The following FIG4 variants were observed in gnomAD, a reference collection of about 807,000 sequenced individuals.
The protein encoded by FIG4 is FIG4 phosphoinositide 5-phosphatase.
In FIG4, 112 loss-of-function variants were observed where a neutral mutation model predicts 118.6. The ratio of observed to expected loss-of-function variants is 0.94; its 90% confidence interval spans 0.81 to 1.11. The LOEUF is 1.11. Among genes scored for constraint, FIG4 ranks in the 50% least tolerant of loss-of-function variants. FIG4 has a pLI of 0.00. For synonymous variants in FIG4, 369 were observed against 381.2 expected (o/e 0.97, Z 0.37); for missense variants, 969 against 1,111.7 (o/e 0.87, Z 1.83).
At chr6:109,744,081 T>G (rs1776409093) in intron 10 of FIG4, among the ~76,000 whole-genome samples, 1 of 152,262 alleles carries the variant, frequency 6.6e-6, no homozygotes, top group East Asian at 1.9e-4. Context: ...AATTTCTGCC[T>G]TAGTTTCCAG....
intron 4 of FIG4, among the ~76,000 whole-genome samples, chr6:109,731,234 A>G (rs552314376): frequency 1.3e-5 from 2 of 152,330 alleles, no homozygotes; most frequent in African/African-American, 2.4e-5. Context: ...GTTATACACT[A>G]TGAGTTGGAG....
intron 22 of FIG4, among the ~76,000 whole-genome samples, chr6:109,806,939 C>T (rs1314766996): frequency 6.6e-6 from 1 of 152,096 alleles, no homozygotes; most frequent in Non-Finnish European, 1.5e-5. Flanking sequence ...ATGAACTCAT[C>T]CTTTTTATGG....
At position 109,823,459 on chromosome 6, in the gene FIG4, G is replaced by A. The variant is rs73525139; in HGVS notation, c.2547-1629G>A. ...AGTCATCTCAGGATGTGTCATTGTT[G>A]TGGATAAAAGCAAAGTACAGTAAGC... On this transcript the variant is annotated intron_variant, in intron 22 of 22. Transcript: ENST00000230124. Among the ~76,000 whole-genome samples, 1,258 of 152,250 alleles carry A rather than the reference G, an allele frequency of 8.3e-3. 23 individuals are homozygous for A. Among genetic ancestry groups the A allele is most frequent in the African/African-American group, 0.029 (1,220 of 41,530 alleles).
Position 109,705,366 on chromosome 6 carries a change from G to T in FIG4, c.67-9712G>T, listed in dbSNP as rs556780639. On this transcript the variant is annotated intron_variant, in intron 1 of 22. Transcript: ENST00000230124. ...AGGGCAGTGCAGGCAGTGATTCCGCGGTCTACAGTAGGCCAGCTGAAAAGC... is the reference window on the plus strand; with the variant it reads ...AGGGCAGTGCAGGCAGTGATTCCGCTGTCTACAGTAGGCCAGCTGAAAAGC... 5.9e-5 allele frequency among the ~76,000 whole-genome samples: 9 copies of T among 152,240 alleles called. No homozygotes were observed. In the South Asian group the frequency reaches 6.2e-4, roughly 11 times the overall value.
Position 109,735,300 on chromosome 6 carries a change from T to G in FIG4, c.646+2T>G, listed in dbSNP as rs1776128772. 6.2e-7 allele frequency: 1 copy of G among 1,612,118 alleles called. No individual in the cohort carries two copies. Among genetic ancestry groups the G allele is most frequent in the South Asian group, 1.1e-5 (1 of 91,044 alleles). On this transcript the variant is annotated splice_donor_variant, in intron 6 of 22. Transcript: ENST00000230124. LOFTEE classifies it high-confidence loss of function. The stretch of plus-strand genomic sequence containing the variant: ...GATTAATTACACAAGGTGGAAGCGG[T>G]AGGTGGTCTTGATATATCTAATGTA...
At chr6:109,707,440 CAT>C (rs964455745) in intron 1 of FIG4, among the ~76,000 whole-genome samples, 5 of 147,752 alleles carry the variant, frequency 3.4e-5, no homozygotes, top group South Asian at 2.1e-4. Context: ...CATATATATA[CAT>C]ATATATACAC....
In FIG4 at chr6:109,784,931, A is replaced by G. The variant is rs755465273; in HGVS notation, c.1890-39A>G. 5 of 1,124,430 alleles carry G rather than the reference A, an allele frequency of 4.4e-6. No homozygotes were observed. In the East Asian group the frequency reaches 9.5e-5, roughly 21 times the overall value. The allele number at this position is 1,124,430 out of a possible 1,614,324, so 69.7% of individuals were successfully genotyped here. ...AGTAAATTTTAGAAAACCAACATTT[A>G]CATTTGGTTCATCTTTTTTTTTAAT... is the stretch of plus-strand genomic sequence containing the variant. On this transcript the variant is annotated intron_variant, in intron 16 of 22. Coordinates refer to ENST00000230124, the MANE Select transcript of FIG4 (RefSeq NM_014845.6).
intron 22 of FIG4, among the ~76,000 whole-genome samples, chr6:109,807,186 C>T (rs1225180660): frequency 6.6e-6 from 1 of 152,198 alleles, no homozygotes; most frequent in African/African-American, 2.4e-5. Context: ...AATCGTCACA[C>T]GGTCTTCCAC....
At chr6:109,724,610 C>T (rs1331811122) in intron 3 of FIG4, among the ~76,000 whole-genome samples, 2 of 152,076 alleles carry the variant, frequency 1.3e-5, no homozygotes, top group African/African-American at 2.4e-5. Context: ...ATCTTTCAGC[C>T]ACTGTGCATG....
intron 3 of FIG4, among the ~76,000 whole-genome samples, chr6:109,718,979 C>T (rs796296197): frequency 3.4e-5 from 5 of 147,906 alleles, no homozygotes; most frequent in African/African-American, 1.0e-4. Flanking sequence ...AGTGCAGTGG[C>T]GCGACCTTGG....
rs1436813289 is a variant in FIG4 at position 109,792,645 on chromosome 6, G to T, written c.2440G>T (p.Asp814Tyr). The T allele has an allele frequency of 1.5e-5, 23 of 1,571,332 alleles. No individual in the cohort carries two copies. The East Asian group carries it at 5.1e-4, about 35-fold the overall frequency. Residue 814 changes from aspartate to tyrosine, a missense_variant, in exon 21 of 23, where the codon GAT becomes TAT. By Grantham distance (160) the Asp-to-Tyr change is radical. This residue lies in a region of FIG4 where 330 missense variants were observed against 348.1 expected (regional missense o/e 0.95). Coordinates refer to ENST00000230124, the MANE Select transcript of FIG4 (RefSeq NM_014845.6). Reference protein sequence around the residue: ...INLSDGLSEEDFSIYSRFVQL... With the variant: ...INLSDGLSEEYFSIYSRFVQL... Reference sequence around the variant, plus strand: ...CCTCTCAGATGGCCTCTCAGAAGAAGATTTCTCCATTTATTCAAGGTGAGA... The same window carrying T: ...CCTCTCAGATGGCCTCTCAGAAGAATATTTCTCCATTTATTCAAGGTGAGA...
chr6:109,712,324 C>T (rs377176100), intron 1 of FIG4, among the ~76,000 whole-genome samples: 1 of 152,178 alleles, frequency 6.6e-6, no homozygotes, highest in East Asian at 1.9e-4. Context: ...GGGAATTTCT[C>T]ATGGATGATA....
At chr6:109,756,935 T>G (rs766176172) in intron 10 of FIG4, among the ~76,000 whole-genome samples, 2 of 152,320 alleles carry the variant, frequency 1.3e-5, no homozygotes, top group Non-Finnish European at 2.9e-5. Flanking sequence ...CTTTCTCAAC[T>G]CGTCAAAGTC....
chr6:109,786,811 G>C (rs1281591530), intron 18 of FIG4, among the ~76,000 whole-genome samples: 2 of 152,124 alleles, frequency 1.3e-5, no homozygotes, highest in Non-Finnish European at 1.5e-5. Context: ...GTGAATCTTA[G>C]TTCAGCCACT....
At chr6:109,707,364 T>TATATATATATACATATATAC (rs1281213311) in intron 1 of FIG4, among the ~76,000 whole-genome samples, 1 of 7,838 alleles carries the variant, frequency 1.3e-4, no homozygotes, top group Non-Finnish European at 2.6e-4. Context: ...CATATATACG[T>TATATATATATACATATATAC]GTATATATAT....
intron 1 of FIG4, among the ~76,000 whole-genome samples, chr6:109,699,588 T>C (rs1774845032): frequency 6.6e-6 from 1 of 150,952 alleles, no homozygotes; most frequent in South Asian, 2.1e-4. Flanking sequence ...CTGCAGCCTC[T>C]GCCTCCTGGG....
intron 22 of FIG4, among the ~76,000 whole-genome samples, chr6:109,812,564 A>C (rs559277827): frequency 2.0e-5 from 3 of 152,224 alleles, no homozygotes; most frequent in Non-Finnish European, 4.4e-5. Context: ...CCAAGAGAAG[A>C]AAGTGTTTCA....
At chr6:109,707,342 C>CATATATACATACATATATACGTGT (rs1562638155) in intron 1 of FIG4, among the ~76,000 whole-genome samples, 2 of 118,566 alleles carry the variant, frequency 1.7e-5, no homozygotes, top group African/African-American at 7.1e-5. Context: ...TATATATATA[C>CATATATACATACATATATACGTGT]ATATATACAT....
At position 109,825,246 on chromosome 6, in the gene FIG4, T is replaced by C. The variant is rs1162967341; in HGVS notation, c.2705T>C (p.Ile902Thr). 9.3e-6 allele frequency: 15 copies of C among 1,613,932 alleles called. No individual in the cohort carries two copies. The highest frequency in any genetic ancestry group is 1.3e-5 in the Non-Finnish European group (15 of 1,179,994). ...GACTCCTCCATGTACCGAGAGTACA[T>C]CAGGAACCGCTACCTGTGAAAAGAG... ...KEDSSMYREY[I>T]RNRYL is the part of the protein sequence containing the mutation. Residue 902 changes from isoleucine (I) to threonine (T), a missense_variant, in exon 23 of 23, where the codon ATC becomes ACC. Physicochemically the swap from Ile to Thr is moderately conservative, Grantham distance 89 (BLOSUM62 -1). Transcript: ENST00000230124.
Sources: allele counts gnomAD v4.1 joint callset (sites outside exome capture counted in the v4.1 genomes callset), GRCh38; gene constraint gnomAD v4.1.1; regional missense constraint gnomAD v4.1.1; transcripts MANE v1.5; gene names NCBI Gene and HGNC (gene_info 2026-07-23, HGNC 2026-07-21).